ARID3A: variants seen among roughly 807,000 people sequenced by gnomAD.
ARID3A encodes AT-rich interaction domain 3A.
In ARID3A, 11 loss-of-function variants were observed where a neutral mutation model predicts 52.7. The observed-to-expected ratio is 0.21, with a 90% CI of 0.13 to 0.35. ARID3A has a LOEUF of 0.35. Ranked by LOEUF, ARID3A falls within the 10% of genes least tolerant of loss-of-function variation. The pLI, the probability that ARID3A is intolerant of heterozygous loss-of-function variation, is 1.00. For missense variants in ARID3A, 721 were observed against 838.5 expected, an observed-to-expected ratio of 0.86 and a Z score of 1.73; for synonymous variants, 404 against 359.4, an observed-to-expected ratio of 1.12 and a Z score of -1.40.
rs61750976 is a variant in ARID3A, at chr19:964,336, C to T, written c.855C>T (p.Leu285=). ...TGCTGGTGACGGAGAAGGGCGGCCT[C>T]GTGGAGGTCATCAACAAGAAGCTGT... The part of the protein sequence containing the change: ...LYVLVTEKGG[L]VEVINKKLWR... Residue 285 remains leucine (L), a synonymous_variant, in exon 5 of 9, where the codon CTC becomes CTT. Transcript: ENST00000263620. The surrounding 1 kb of genome is among the most constrained non-coding windows in gnomAD (Gnocchi z 5.7). 3.2e-3 allele frequency: 5,099 copies of T among 1,614,098 alleles called. 10 individuals carry two copies. The highest frequency in any genetic ancestry group is 4.0e-3 in the Non-Finnish European group (4,714 of 1,179,998).
At chr19:958,885 G>A (rs113491281) in intron 3 of ARID3A, among the ~76,000 whole-genome samples, 4,202 of 150,360 alleles carry the variant, frequency 0.028, 211 homozygotes, top group African/African-American at 0.097. Flanking sequence ...GCGAGACTCC[G>A]TCTCAAAAAA....
At chr19:937,699 C>CTTTTTTTTTTTTTTTT (rs951435776) in intron 3 of ARID3A, among the ~76,000 whole-genome samples, 1 of 90,796 alleles carries the variant, frequency 1.1e-5, no homozygotes. Flanking sequence ...TTATTGTCGA[C>CTTTTTTTTTTTTTTTT]TTTTTTTTTT....
Position 964,869 on chromosome 19 carries a change from G to A in ARID3A, c.987G>A (p.Lys329=). ...MKYLYPYECE[K]RGLSNPNELQ... ...ACCTGTACCCCTACGAGTGTGAGAA[G>A]CGGGGCCTCAGTAACCCCAATGAGC... is the stretch of plus-strand genomic sequence containing the variant. Residue 329 remains lysine (K), a synonymous_variant, in exon 6 of 9, where the codon AAG becomes AAA. Coordinates refer to ENST00000263620, the MANE Select transcript of ARID3A (RefSeq NM_005224.3). This position sits in a 1 kb window ranked among gnomAD's most constrained non-coding sequence, Gnocchi z 5.7. The A allele has an allele frequency of 3.1e-6, 5 of 1,614,000 alleles. No homozygotes were observed. The highest frequency in any genetic ancestry group is 4.2e-6 in the Non-Finnish European group (5 of 1,180,004).
intron 2 of ARID3A, among the ~76,000 whole-genome samples, 158 bp from the exon 3 acceptor site, chr19:932,260 C>T (rs747081410): frequency 2.0e-5 from 3 of 152,174 alleles, no homozygotes; most frequent in Admixed American, 6.5e-5. Context: ...GGGTGCCCCA[C>T]GCTGTGCTCA....
At chr19:953,385 G>A (rs987487392) in intron 3 of ARID3A, among the ~76,000 whole-genome samples, 17 of 150,950 alleles carry the variant, frequency 1.1e-4, no homozygotes, top group South Asian at 2.1e-4. Flanking sequence ...CCCGAGCCCC[G>A]CCACCCTCTC....
intron 8 of ARID3A, among the ~76,000 whole-genome samples, chr19:969,676 T>G (rs2038236799): frequency 6.6e-6 from 1 of 150,628 alleles, no homozygotes; most frequent in Non-Finnish European, 1.5e-5. Flanking sequence ...CATAGATATA[T>G]ATATATATAG....
In ARID3A at chr19:936,165, A is replaced by G. The variant is rs552574662; in HGVS notation, c.693+3423A>G. 2.0e-5 allele frequency among the ~76,000 whole-genome samples: 3 copies of G among 152,388 alleles called. No individual in the cohort carries two copies. In the South Asian group the frequency reaches 6.2e-4, roughly 32 times the overall value. The stretch of plus-strand genomic sequence containing the variant: ...TTAAGGATTTGAACCTTTAGTCTCA[A>G]CAATTCTAATAAGTGTTGAATGAAT... On this transcript the variant is annotated intron_variant, in intron 3 of 8. Coordinates refer to ENST00000263620, the MANE Select transcript of ARID3A (RefSeq NM_005224.3).
intron 8 of ARID3A, among the ~76,000 whole-genome samples, chr19:968,963 A>AT (rs2038221176): frequency 6.6e-6 from 1 of 152,062 alleles, no homozygotes; most frequent in African/African-American, 2.4e-5. Context: ...CAATCCCAGC[A>AT]TTTTCGGAGG....
intron 3 of ARID3A, among the ~76,000 whole-genome samples, chr19:951,662 GC>G (rs2037805729): frequency 6.6e-6 from 1 of 152,190 alleles, no homozygotes; most frequent in African/African-American, 2.4e-5. Flanking sequence ...TGACCCTTCA[GC>G]CCCGCTGGGT....
intron 3 of ARID3A, among the ~76,000 whole-genome samples, chr19:951,682 G>C (rs999486865): frequency 1.2e-4 from 18 of 152,202 alleles, no homozygotes; most frequent in African/African-American, 3.9e-4. Flanking sequence ...GTGCGTGGGC[G>C]CCTGGGAGGC....
intron 4 of ARID3A, among the ~76,000 whole-genome samples, chr19:962,831 AC>A (rs1465432360): frequency 6.6e-6 from 1 of 152,058 alleles, no homozygotes; most frequent in Non-Finnish European, 1.5e-5. Context: ...CGTTACTTTT[AC>A]TTTGCAAACT....
At chr19:933,369 C>G (rs2037373398) in intron 3 of ARID3A, among the ~76,000 whole-genome samples, 1 of 152,120 alleles carries the variant, frequency 6.6e-6, no homozygotes, top group Non-Finnish European at 1.5e-5. Flanking sequence ...GGCGGCCAGG[C>G]CAGAGGAAGT....
intron 7 of ARID3A, among the ~76,000 whole-genome samples, chr19:967,540 CAG>C (rs1469166088): frequency 6.6e-6 from 1 of 152,088 alleles, no homozygotes; most frequent in Non-Finnish European, 1.5e-5. Flanking sequence ...GCCTGGGTGA[CAG>C]AGCAAGACCT....
intron 3 of ARID3A, among the ~76,000 whole-genome samples, chr19:946,780 A>G (rs1293252414): frequency 6.6e-6 from 1 of 150,474 alleles, no homozygotes; most frequent in African/African-American, 2.5e-5. Flanking sequence ...TCAAAACTAA[A>G]ATTCTGTTTG....
chr19:958,660 G>A (rs539914142), intron 3 of ARID3A, among the ~76,000 whole-genome samples: 1 of 151,996 alleles, frequency 6.6e-6, no homozygotes, highest in African/African-American at 2.4e-5. Flanking sequence ...TTGGGAGGCC[G>A]AGGCGGGCGG....
intron 4 of ARID3A, among the ~76,000 whole-genome samples, chr19:963,568 C>A (rs774194657): frequency 2.0e-5 from 3 of 152,140 alleles, no homozygotes; most frequent in African/African-American, 7.2e-5. Flanking sequence ...CGTCTGCAGC[C>A]GGCTCCAGGA....
intron 3 of ARID3A, among the ~76,000 whole-genome samples, chr19:949,136 G>T (rs928977334): frequency 2.6e-5 from 4 of 152,186 alleles, no homozygotes; most frequent in South Asian, 2.1e-4. Flanking sequence ...TGCAAACCTG[G>T]TTACCAGAGA....
At chr19:965,764 G>T (rs974758905) in intron 6 of ARID3A, among the ~76,000 whole-genome samples, 1 of 152,012 alleles carries the variant, frequency 6.6e-6, no homozygotes, top group Non-Finnish European at 1.5e-5. Context: ...GGCTGAGGCA[G>T]GCGGATCGCT....
intron 8 of ARID3A, among the ~76,000 whole-genome samples, chr19:970,466 T>C (rs906557575): frequency 6.7e-6 from 1 of 149,028 alleles, no homozygotes; most frequent in Non-Finnish European, 1.5e-5. Flanking sequence ...ACCCCATCTC[T>C]ACAAAAGAAC....
Sources: allele counts gnomAD v4.1 joint callset (sites outside exome capture counted in the v4.1 genomes callset), GRCh38; gene constraint gnomAD v4.1.1; non-coding constraint Gnocchi (gnomAD v3.1); transcripts MANE v1.5; gene names NCBI Gene and HGNC (gene_info 2026-07-23, HGNC 2026-07-21).